The following ATRN variants were observed in gnomAD, a reference collection of about 807,000 sequenced individuals.
ATRN encodes attractin, also known as attractin-2.
Under a neutral mutation model 178.7 loss-of-function variants are expected in ATRN, and 54 were observed. That is an observed-to-expected ratio of 0.30 (90% CI 0.24 to 0.38). ATRN has a LOEUF of 0.38. Among genes scored for constraint, ATRN ranks in the 10% least tolerant of loss-of-function variants. ATRN has a pLI of 1.00. For missense variants in ATRN, 1,443 were observed against 1,815.1 expected (o/e 0.79, Z 3.73); for synonymous variants, 636 against 663.0 (o/e 0.96, Z 0.63).
At chr20:3,602,665 A>G (rs1248293196) in intron 23 of ATRN, among the ~76,000 whole-genome samples, 3 of 152,116 alleles carry the variant, frequency 2.0e-5, no homozygotes, top group African/African-American at 7.2e-5. Context: ...ATCTCCAGGC[A>G]TGTGAAAGAT....
chr20:3,637,368 G>C (rs1477790036), intron 26 of ATRN, among the ~76,000 whole-genome samples: 1 of 152,154 alleles, frequency 6.6e-6, no homozygotes, highest in Non-Finnish European at 1.5e-5. Context: ...CCTGAACCCT[G>C]TCTTATTGTG....
At chr20:3,514,769 G>C (rs1402753595) in intron 1 of ATRN, among the ~76,000 whole-genome samples, 1 of 152,074 alleles carries the variant, frequency 6.6e-6, no homozygotes, top group Non-Finnish European at 1.5e-5. Flanking sequence ...AGACCACCGT[G>C]GGCAACATAG....
At chr20:3,598,071 G>A in intron 22 of ATRN, 71 bp downstream of exon 22, 1 of 1,002,816 alleles carries the variant, frequency 1.0e-6, no homozygotes, top group Non-Finnish European at 1.6e-6. Context: ...ATTACGGATG[G>A]ACGTACTGCC....
At chr20:3,620,149 G>A (rs972027524) in intron 24 of ATRN, among the ~76,000 whole-genome samples, 7 of 151,706 alleles carry the variant, frequency 4.6e-5, no homozygotes, top group Admixed American at 2.6e-4. Flanking sequence ...AATTAAAGGC[G>A]AGGATTTTTT....
At chr20:3,564,891 C>T (rs2086009996) in intron 10 of ATRN, among the ~76,000 whole-genome samples, 1 of 152,066 alleles carries the variant, frequency 6.6e-6, no homozygotes, top group Admixed American at 6.5e-5. Flanking sequence ...CGGTGAAACC[C>T]CATCTCTACT....
chr20:3,576,901 A>T lies in ATRN; in HGVS notation c.2257A>T (p.Met753Leu). 1 of 1,614,142 alleles carries T rather than the reference A, an allele frequency of 6.2e-7. No individual in the cohort carries two copies. The highest frequency in any genetic ancestry group is 8.5e-7 in the Non-Finnish European group (1 of 1,179,996). The change falls in exon 14 of 29, where the codon ATG becomes TTG. Residue 753 changes from methionine (M) to leucine (L), a missense_variant. By Grantham distance (15) the Met-to-Leu change is conservative. Transcript: ENST00000262919. ...RYENCPKDNP[M>L]YYCNKKTSCR... Reference sequence around the variant, plus strand: ...TGAGAATTGCCCCAAGGATAACCCCATGTACTACTGTAACAAGAAGACCAG... The same window carrying T: ...TGAGAATTGCCCCAAGGATAACCCCTTGTACTACTGTAACAAGAAGACCAG...
intron 6 of ATRN, among the ~76,000 whole-genome samples, chr20:3,555,480 C>T (rs1057324536): frequency 6.6e-6 from 1 of 152,072 alleles, no homozygotes; most frequent in Non-Finnish European, 1.5e-5. Flanking sequence ...AGAAATTGAC[C>T]AAGTGGCTGA....
intron 24 of ATRN, among the ~76,000 whole-genome samples, chr20:3,612,578 G>A (rs188336331): frequency 2.0e-5 from 3 of 152,272 alleles, no homozygotes; most frequent in Admixed American, 6.5e-5. Context: ...TCTCCGATCC[G>A]AAAGAGGTTG....
At chr20:3,509,421 A>C (rs753225668) in intron 1 of ATRN, among the ~76,000 whole-genome samples, 2 of 152,182 alleles carry the variant, frequency 1.3e-5, no homozygotes, top group Non-Finnish European at 2.9e-5. Context: ...AGAAAAAATG[A>C]TTCTAAATGT....
chr20:3,471,256 C>G lies in ATRN; in HGVS notation c.149C>G (p.Pro50Arg), dbSNP rs2084415228. Residue 50 changes from proline (P) to arginine (R), a missense_variant, in exon 1 of 29, where the codon CCG becomes CGG. Physicochemically the swap from Pro to Arg is moderately radical, Grantham distance 103. This residue lies in a region of ATRN where 862 missense variants were observed against 972.1 expected (regional missense o/e 0.89). Transcript: ENST00000262919. ...GGGCTGGGGGCCGGGCTGCGCCTCCCGCGGCTGCTGTCTCCACCGCTGCGG... is the reference window on the plus strand; with the variant it reads ...GGGCTGGGGGCCGGGCTGCGCCTCCGGCGGCTGCTGTCTCCACCGCTGCGG... ...RPGLGAGLRL[P>R]RLLSPPLRPR... The G allele has an allele frequency of 2.8e-6, 4 of 1,444,812 alleles. No homozygotes were observed. The South Asian group carries it at 5.6e-5, about 20-fold the overall frequency. 89.5% of individuals were successfully genotyped at this position (1,444,812 alleles called of 1,614,324 possible).
intron 25 of ATRN, among the ~76,000 whole-genome samples, chr20:3,627,192 T>C (rs967315200): frequency 2.0e-5 from 3 of 152,250 alleles, no homozygotes; most frequent in Non-Finnish European, 4.4e-5. Flanking sequence ...TTCGAGGTTA[T>C]AGCTGTAAAT....
intron 24 of ATRN, among the ~76,000 whole-genome samples, chr20:3,610,261 G>A (rs1371362650): frequency 2.6e-5 from 4 of 152,122 alleles, no homozygotes; most frequent in African/African-American, 9.7e-5. Flanking sequence ...GAATAAAATG[G>A]GAAGAATCAA....
intron 6 of ATRN, among the ~76,000 whole-genome samples, chr20:3,551,166 A>G (rs1231207313): frequency 1.3e-5 from 2 of 152,200 alleles, no homozygotes; most frequent in Admixed American, 6.5e-5. Context: ...ACCCAGGAAC[A>G]CCTAGAATAC....
At chr20:3,480,714 T>G (rs189298162) in intron 1 of ATRN, among the ~76,000 whole-genome samples, 16 of 152,288 alleles carry the variant, frequency 1.1e-4, no homozygotes, top group Admixed American at 2.0e-4. Flanking sequence ...CAGATGCTTT[T>G]TATTTACCGC....
chr20:3,577,647 G>A (rs969784907), intron 14 of ATRN, among the ~76,000 whole-genome samples: 1 of 152,108 alleles, frequency 6.6e-6, no homozygotes, highest in Admixed American at 6.6e-5. Flanking sequence ...AATGTCCCTT[G>A]GAAGTTTTTG....
chr20:3,543,858 C>A (rs1299927742), intron 3 of ATRN, among the ~76,000 whole-genome samples: 1 of 152,076 alleles, frequency 6.6e-6, no homozygotes, highest in African/African-American at 2.4e-5. Flanking sequence ...CAGGGTGAGA[C>A]CTCATCTGTA....
At chr20:3,637,502 T>G (rs1459358835) in intron 26 of ATRN, among the ~76,000 whole-genome samples, 2 of 152,196 alleles carry the variant, frequency 1.3e-5, no homozygotes, top group Non-Finnish European at 2.9e-5. Flanking sequence ...AAAAATGCCC[T>G]TCTAGAACAG....
rs2084411662 is a variant in ATRN at position 3,471,116 on chromosome 20, T to A, written c.9T>A (p.Ala3=). The A allele has an allele frequency of 2.0e-6, 3 of 1,511,074 alleles. No homozygotes were observed. Among genetic ancestry groups the A allele is most frequent in the Admixed American group, 4.1e-5 (2 of 49,296 alleles). 93.6% of individuals were successfully genotyped at this position (1,511,074 alleles called of 1,614,324 possible). A position where few individuals can be genotyped will look rare whatever the true frequency, so the allele number is the denominator to read the frequency against. MV[A]AAAATEARLR... Reference sequence around the variant, plus strand: ...GTCTCAGCCCCGGGAAGATGGTGGCTGCAGCGGCGGCAACTGAGGCAAGGC... The same window carrying A: ...GTCTCAGCCCCGGGAAGATGGTGGCAGCAGCGGCGGCAACTGAGGCAAGGC... Residue 3 remains alanine (A), a synonymous_variant, in exon 1 of 29, where the codon GCT becomes GCA. Transcript: ENST00000262919.
chr20:3,607,753 G>A (rs1314386926), intron 24 of ATRN, among the ~76,000 whole-genome samples: 1 of 152,172 alleles, frequency 6.6e-6, no homozygotes, highest in Non-Finnish European at 1.5e-5. Flanking sequence ...CAGCGGGATT[G>A]CTGGATCATG....
Sources: gnomAD v4.1 joint callset for allele counts (sites outside exome capture counted in the v4.1 genomes callset) on GRCh38, gnomAD v4.1.1 for gene constraint, gnomAD v4.1.1 regional missense constraint, MANE v1.5 for transcripts, NCBI Gene and HGNC (gene_info 2026-07-23, HGNC 2026-07-21) for gene names.